The following NAV3 variants were observed in gnomAD, a reference collection of about 807,000 sequenced individuals.
NAV3 encodes the protein neuron navigator 3, also known as pore membrane and/or filament interacting like protein 1.
In NAV3, 87 loss-of-function variants were observed where a neutral mutation model predicts 244.7. The ratio of observed to expected loss-of-function variants is 0.36; its 90% CI spans 0.30 to 0.42. The LOEUF (loss-of-function observed/expected upper bound fraction) is 0.42. Ranked by LOEUF, NAV3 falls within the 20% of genes least tolerant of loss-of-function variation. The pLI is 1.00. For missense variants in NAV3, 2,663 were observed against 2,893.3 expected (o/e 0.92, Z 1.83); for synonymous variants, 1,126 against 1,042.2 (o/e 1.08, Z -1.55).
chr12:78,011,048 T>A (rs930051766), intron 8 of NAV3, among the ~76,000 whole-genome samples: 1 of 152,160 alleles, frequency 6.6e-6, no homozygotes, highest in East Asian at 1.9e-4. Context: ...GTTTCAAATT[T>A]GCTGTTATTC....
chr12:77,929,798 A>ATTTTTT (rs10602394), intron 1 of NAV3, among the ~76,000 whole-genome samples: 138 of 105,784 alleles, frequency 1.3e-3, no homozygotes, highest in Middle Eastern at 5.8e-3. Context: ...ACGGCCAGCT[A>ATTTTTT]TTTTTTTTTT....
At chr12:77,604,760 C>G (rs1247998554) in intron 2 of NAV3, among the ~76,000 whole-genome samples, 2 of 151,892 alleles carry the variant, frequency 1.3e-5, no homozygotes, top group Non-Finnish European at 2.9e-5. Flanking sequence ...ATTTAGATAG[C>G]GAAATTTAAA....
chr12:78,140,493 G>C (rs572787741), intron 20 of NAV3, among the ~76,000 whole-genome samples, 159 bp downstream of exon 20: 89 of 152,232 alleles, frequency 5.8e-4, no homozygotes, highest in African/African-American at 1.9e-3. Flanking sequence ...ACCCAATAAA[G>C]TGCCAGGTGC....
intron 5 of NAV3, among the ~76,000 whole-genome samples, chr12:77,986,843 G>A (rs1186299041): frequency 6.6e-6 from 1 of 152,046 alleles, no homozygotes; most frequent in Non-Finnish European, 1.5e-5. Flanking sequence ...CCTTTGCAAG[G>A]ATTATGAGGC....
At chr12:77,619,034 T>C (rs944123013) in intron 2 of NAV3, among the ~76,000 whole-genome samples, 1 of 152,224 alleles carries the variant, frequency 6.6e-6, no homozygotes, top group African/African-American at 2.4e-5. Flanking sequence ...AAGAATCTTC[T>C]TGTCATAATC....
intron 19 of NAV3, among the ~76,000 whole-genome samples, chr12:78,138,329 A>C (rs1956462339): frequency 6.6e-6 from 1 of 152,124 alleles, no homozygotes; most frequent in Non-Finnish European, 1.5e-5. Flanking sequence ...TGTCACAAGG[A>C]TGAAATATGA....
chr12:77,850,041 T>A (rs2136236939), intron 1 of NAV3, among the ~76,000 whole-genome samples: 1 of 152,306 alleles, frequency 6.6e-6, no homozygotes, highest in African/African-American at 2.4e-5. Context: ...TCCCATTTAT[T>A]GATAATTATT....
intron 15 of NAV3, among the ~76,000 whole-genome samples, chr12:78,121,166 C>G (rs1464518312): frequency 2.0e-5 from 3 of 152,252 alleles, no homozygotes; most frequent in South Asian, 4.1e-4. Context: ...AATCATTATG[C>G]CATTACTTCA....
intron 12 of NAV3, among the ~76,000 whole-genome samples, chr12:78,073,715 A>C (rs1453738152): frequency 6.6e-6 from 1 of 152,168 alleles, no homozygotes. Context: ...GGAACCAAAA[A>C]AGAGCCCGCA....
intron 1 of NAV3, among the ~76,000 whole-genome samples, chr12:77,864,065 A>G (rs1879656828): frequency 6.6e-6 from 1 of 151,952 alleles, no homozygotes; most frequent in East Asian, 1.9e-4. Flanking sequence ...CAGTTTTGGT[A>G]CATCACACAC....
intron 17 of NAV3, among the ~76,000 whole-genome samples, 163 bp from the exon 18 acceptor site, chr12:78,128,543 A>G (rs1055328436): frequency 6.6e-6 from 1 of 152,216 alleles, no homozygotes; most frequent in African/African-American, 2.4e-5. Flanking sequence ...TGATTCAAAC[A>G]GATGGCGTAA....
intron 12 of NAV3, among the ~76,000 whole-genome samples, chr12:78,080,113 G>A (rs1166807719): frequency 2.6e-5 from 4 of 152,000 alleles, no homozygotes; most frequent in Non-Finnish European, 5.9e-5. Context: ...TCTTAAACCT[G>A]GCATTTTAGA....
intron 2 of NAV3, among the ~76,000 whole-genome samples, chr12:77,777,380 A>G (rs977889914): frequency 1.3e-5 from 2 of 152,200 alleles, no homozygotes; most frequent in African/African-American, 2.4e-5. Flanking sequence ...GAATGCCTAC[A>G]TCATGAGATG....
chr12:77,776,414 C>G (rs1473280099), intron 2 of NAV3, among the ~76,000 whole-genome samples: 2 of 152,198 alleles, frequency 1.3e-5, no homozygotes, highest in Non-Finnish European at 2.9e-5. Context: ...GTAACGAAGG[C>G]TGTAGTCCCT....
chr12:77,654,169 G>A (rs1327868594), intron 2 of NAV3, among the ~76,000 whole-genome samples: 2 of 152,198 alleles, frequency 1.3e-5, no homozygotes, highest in Non-Finnish European at 2.9e-5. Flanking sequence ...CACTCGGGAC[G>A]TGCAAGGGGT....
intron 5 of NAV3, among the ~76,000 whole-genome samples, chr12:77,993,452 G>A (rs1326395635): frequency 6.6e-6 from 1 of 152,112 alleles, no homozygotes; most frequent in African/African-American, 2.4e-5. Context: ...TATTATTACT[G>A]AGGTAGTTTA....
chr12:78,100,042 G>T (rs567234883), intron 12 of NAV3, among the ~76,000 whole-genome samples: 1 of 151,866 alleles, frequency 6.6e-6, no homozygotes, highest in Non-Finnish European at 1.5e-5. Flanking sequence ...CAAATAAAAA[G>T]GTCAGTGTAT....
chr12:78,178,541 A>G (rs1166189836), intron 28 of NAV3, among the ~76,000 whole-genome samples: 3 of 152,066 alleles, frequency 2.0e-5, no homozygotes, highest in Non-Finnish European at 2.9e-5. Context: ...ATAAACTATA[A>G]TTGTGGGGGA....
chr12:78,118,548 G>A (rs1955525722), intron 14 of NAV3, among the ~76,000 whole-genome samples: 1 of 152,132 alleles, frequency 6.6e-6, no homozygotes, highest in Non-Finnish European at 1.5e-5. Flanking sequence ...GCCTTACCTT[G>A]CCAGAGTTAT....
Sources: gnomAD v4.1 joint callset for allele counts (sites outside exome capture counted in the v4.1 genomes callset) on GRCh38, gnomAD v4.1.1 for gene constraint, MANE v1.5 for transcripts, NCBI Gene and HGNC (gene_info 2026-07-23, HGNC 2026-07-21) for gene names.